RAD51AP2: variants seen among roughly 807,000 people sequenced by gnomAD.
The protein encoded by RAD51AP2 is RAD51-associated protein 2.
A neutral mutation model predicts 85.5 loss-of-function variants in RAD51AP2; 67 were observed. That is an observed-to-expected ratio of 0.78 (90% CI 0.64 to 0.96). RAD51AP2 has a LOEUF of 0.96. RAD51AP2 is among the 40% of genes least tolerant of loss of function. The probability of loss-of-function intolerance (pLI) is 0.00; values close to 1 mark genes in which losing one functional copy is unlikely to be tolerated. For missense variants in RAD51AP2, 1,307 were observed against 1,332.4 expected (o/e 0.98, Z 0.30); for synonymous variants, 474 against 446.5 (o/e 1.06, Z -0.78).
In RAD51AP2 at chr2:17,517,716, T is replaced by A. The variant is rs746877952; in HGVS notation, c.700A>T (p.Ile234Leu). ...ENNISSSVLK[I>L]SKSQNQPSLE... ...CTGGGCTGGTTTTGAGATTTTGATATTTTTAGTACAGATGATGAAATGTTA... is the reference window on the plus strand; with the variant it reads ...CTGGGCTGGTTTTGAGATTTTGATAATTTTAGTACAGATGATGAAATGTTA... Residue 234 changes from isoleucine to leucine, a missense_variant, in exon 1 of 3, where the codon ATA becomes TTA. Coordinates refer to ENST00000399080, the MANE Select transcript of RAD51AP2 (RefSeq NM_001099218.3). The A allele has an allele frequency of 6.2e-7, 1 of 1,612,974 alleles. No individual in the cohort carries two copies. Among genetic ancestry groups the A allele is most frequent in the Non-Finnish European group, 8.5e-7 (1 of 1,179,694 alleles).
At chr2:17,537,557 T>C in the RAD51AP2 span, among the ~76,000 whole-genome samples, 71 of 152,314 alleles carry the variant, frequency 4.7e-4, no homozygotes, top group African/African-American at 1.6e-3. Flanking sequence ...AATATCCCCA[T>C]GCCTTAAGTT....
At chr2:17,536,013 T>G in the RAD51AP2 span, among the ~76,000 whole-genome samples, 1 of 139,104 alleles carries the variant, frequency 7.2e-6, no homozygotes, top group Non-Finnish European at 1.6e-5. Flanking sequence ...TTTTAAACTG[T>G]TTGGTTAAAA....
the RAD51AP2 span, among the ~76,000 whole-genome samples, chr2:17,530,665 T>C: frequency 6.7e-6 from 1 of 149,848 alleles, no homozygotes. Flanking sequence ...AGTGGGAAAT[T>C]ATCCACATAT....
chr2:17,514,050 T>C lies in RAD51AP2; in HGVS notation c.3290A>G (p.Asp1097Gly). The C allele has an allele frequency of 6.3e-7, 1 of 1,588,320 alleles. No individual in the cohort carries two copies. The highest frequency in any genetic ancestry group is 8.6e-7 in the Non-Finnish European group (1 of 1,158,194). ...ATAATTAAATTCTTCTTTACATTCA[T>C]CAGGGAGAAAAGCAGGTCTTTTAGG... is the stretch of plus-strand genomic sequence containing the variant. The part of the protein sequence containing the change: ...PLPKRPAFLP[D>G]ECKEEFNYLL... The change falls in exon 2 of 3, where the codon GAT becomes GGT. Residue 1097 changes from aspartate (D) to glycine (G), a missense_variant. This residue lies in a region of RAD51AP2 where 668 missense variants were observed against 671.0 expected (regional missense o/e 1.00). Transcript: ENST00000399080.
At position 17,516,408 on chromosome 2, in the gene RAD51AP2, A is replaced by C. The variant is rs1323197221; in HGVS notation, c.2008T>G (p.Phe670Val). Residue 670 changes from phenylalanine to valine, a missense_variant, in exon 1 of 3, where the codon TTC becomes GTC. Transcript: ENST00000399080. ...EKSKKKLINSFSMTTQNTGFP... is the reference protein window; with the variant it reads ...EKSKKKLINSVSMTTQNTGFP... ...CCTGTATTTTGAGTTGTCATACTGA[A>C]GGAATTAATGAGTTTTTTCTTAGAC... 1.2e-6 allele frequency: 2 copies of C among 1,605,902 alleles called. No homozygotes were observed. Among genetic ancestry groups the C allele is most frequent in the East Asian group, 4.5e-5 (2 of 44,756 alleles).
At chr2:17,515,095 T>C in intron 1 of RAD51AP2, 74 bp downstream of exon 1, 2 of 1,174,224 alleles carry the variant, frequency 1.7e-6, no homozygotes, top group Non-Finnish European at 2.4e-6. Flanking sequence ...GTCAAAATTA[T>C]ACATTTGGCC....
the RAD51AP2 span, among the ~76,000 whole-genome samples, chr2:17,528,847 GAATAA>G: frequency 6.6e-6 from 1 of 152,024 alleles, no homozygotes; most frequent in African/African-American, 2.4e-5. Context: ...ATGTCTCAAA[GAATAA>G]AATAAAATAA....
upstream of RAD51AP2, among the ~76,000 whole-genome samples, chr2:17,520,176 T>C (rs549856120): frequency 3.2e-4 from 48 of 152,292 alleles, no homozygotes; most frequent in African/African-American, 1.2e-3. Flanking sequence ...ATTTTCTCCA[T>C]CCTGAAGAAA....
Position 17,516,185 on chromosome 2 carries a change from T to A in RAD51AP2, c.2231A>T (p.Asn744Ile). The A allele has an allele frequency of 6.2e-7, 1 of 1,613,368 alleles. No individual in the cohort carries two copies. Among genetic ancestry groups the A allele is most frequent in the Non-Finnish European group, 8.5e-7 (1 of 1,179,580 alleles). Residue 744 changes from asparagine to isoleucine, a missense_variant, in exon 1 of 3, where the codon AAC becomes ATC. By Grantham distance (149) the Asn-to-Ile change is moderately radical. This residue lies in a region of RAD51AP2 where 668 missense variants were observed against 671.0 expected (regional missense o/e 1.00). Transcript: ENST00000399080. ...ATTTTCATTAATGTATCCTCGGTTG[T>A]TCTGTATAAATTGAGGACAAGAATT... ...HGNSCPQFIQ[N>I]NRGYINENFY...
chr2:17,532,534 A>T, the RAD51AP2 span, among the ~76,000 whole-genome samples: 1 of 152,168 alleles, frequency 6.6e-6, no homozygotes, highest in Admixed American at 6.5e-5. Flanking sequence ...AAAAAAAATT[A>T]TAAGAAAAAA....
the RAD51AP2 span, among the ~76,000 whole-genome samples, chr2:17,532,049 G>A: frequency 0.02 from 2,967 of 151,580 alleles, 61 homozygotes; most frequent in East Asian, 0.1. Context: ...AGCCGGGGTG[G>A]GGGGGGAAGC....
chr2:17,531,806 T>A, the RAD51AP2 span, among the ~76,000 whole-genome samples: 614 of 152,364 alleles, frequency 4.0e-3, 6 homozygotes, highest in African/African-American at 0.014. Flanking sequence ...AATATCATCT[T>A]AGATGCAAAT....
intron 2 of RAD51AP2, among the ~76,000 whole-genome samples, chr2:17,511,314 A>G (rs1490565474): frequency 1.3e-5 from 2 of 152,212 alleles, no homozygotes; most frequent in African/African-American, 4.8e-5. Context: ...ATTGGTAGCT[A>G]AACAACTATG....
upstream of RAD51AP2, chr2:17,518,447 C>G (rs1662772529): frequency 1.3e-6 from 2 of 1,586,544 alleles, no homozygotes; most frequent in East Asian, 2.2e-5. Flanking sequence ...GTCCGAGTCC[C>G]GGCGGGGCTC....
chr2:17,515,615 C>G lies in RAD51AP2; in HGVS notation c.2801G>C (p.Gly934Ala). Residue 934 changes from glycine to alanine, a missense_variant, in exon 1 of 3, where the codon GGT becomes GCT. By Grantham distance (60) the Gly-to-Ala change is moderately conservative. Around this residue, in one of 3 missense-constraint regions of RAD51AP2, gnomAD observed 668 missense variants for 671.0 expected, o/e 1.00. Coordinates refer to ENST00000399080, the MANE Select transcript of RAD51AP2 (RefSeq NM_001099218.3). ...ALYINHQFET[G>A]LSEGNDECFQ... Reference sequence around the variant, plus strand: ...ACATTCATCATTCCCTTCACTCAGACCAGTTTCAAATTGATGATTAATATA... The same window carrying G: ...ACATTCATCATTCCCTTCACTCAGAGCAGTTTCAAATTGATGATTAATATA... The G allele has an allele frequency of 6.2e-7, 1 of 1,611,836 alleles. No homozygotes were observed. The highest frequency in any genetic ancestry group is 8.5e-7 in the Non-Finnish European group (1 of 1,179,062).
At chr2:17,513,030 T>C (rs1662537399) in intron 2 of RAD51AP2, among the ~76,000 whole-genome samples, 1 of 152,186 alleles carries the variant, frequency 6.6e-6, no homozygotes, top group African/African-American at 2.4e-5. Context: ...AATGTTACTC[T>C]TTTTAGATCT....
chr2:17,518,531 T>A (rs1052667877), upstream of RAD51AP2: 12 of 1,362,552 alleles, frequency 8.8e-6, no homozygotes, highest in Non-Finnish European at 1.2e-5. Context: ...GGCCTTAGCC[T>A]AATCTCAGGG....
At position 17,518,349 on chromosome 2, in the gene RAD51AP2, G is replaced by C. The variant is rs1304223879; in HGVS notation, c.67C>G (p.Pro23Ala). ...LRKPTSSLTP[P>A]EDPDSQPPSS... ...GGTGGTTGGGAATCCGGGTCCTCAG[G>C]AGGCGTTAAAGAGGAGGTAGGCTTT... is the stretch of plus-strand genomic sequence containing the variant. The change falls in exon 1 of 3, where the codon CCT becomes GCT. Residue 23 changes from proline (P) to alanine (A), a missense_variant. Transcript: ENST00000399080. The C allele has an allele frequency of 4.3e-6, 7 of 1,613,830 alleles. No individual in the cohort carries two copies. The highest frequency in any genetic ancestry group is 4.0e-5 in the African/African-American group (3 of 74,908).
chr2:17,517,363 A>G lies in RAD51AP2; in HGVS notation c.1053T>C (p.Cys351=). 6.2e-7 allele frequency: 1 copy of G among 1,613,384 alleles called. No individual in the cohort carries two copies. Among genetic ancestry groups the G allele is most frequent in the Non-Finnish European group, 8.5e-7 (1 of 1,179,486 alleles). Residue 351 remains cysteine (C), a synonymous_variant, in exon 1 of 3, where the codon TGT becomes TGC. Coordinates refer to ENST00000399080, the MANE Select transcript of RAD51AP2 (RefSeq NM_001099218.3). The part of the protein sequence containing the change: ...KRKDLISSNY[C]NCSSIQCNVR... Reference sequence around the variant, plus strand: ...CATTACACTGGATACTACTGCAGTTACAGTAGTTTGAACTGATCAAGTCTT... The same window carrying G: ...CATTACACTGGATACTACTGCAGTTGCAGTAGTTTGAACTGATCAAGTCTT...
Sources: gnomAD v4.1 joint callset for allele counts (sites outside exome capture counted in the v4.1 genomes callset) on GRCh38, gnomAD v4.1.1 for gene constraint, gnomAD v4.1.1 regional missense constraint, MANE v1.5 for transcripts, NCBI Gene and HGNC (gene_info 2026-07-23, HGNC 2026-07-21) for gene names.